Variants in KIAA1549L observed in about 807,000 individuals in gnomAD.
The protein encoded by KIAA1549L is UPF0606 protein KIAA1549L.
KIAA1549L carries 88 observed loss-of-function variants against 160.7 expected under a neutral mutation model. The observed-to-expected ratio is 0.55, with a 90% CI of 0.46 to 0.65. KIAA1549L has a LOEUF of 0.65. Ranked by LOEUF, KIAA1549L falls within the 30% of genes least tolerant of loss-of-function variation. The pLI, the probability that KIAA1549L is intolerant of heterozygous loss-of-function variation, is 0.00. For missense variants in KIAA1549L, 2,258 were observed against 2,437.5 expected (o/e 0.93, Z 1.55); for synonymous variants, 950 against 976.7 (o/e 0.97, Z 0.51).
chr11:33,449,443 AG>A (rs767475754), intron 1 of KIAA1549L, among the ~76,000 whole-genome samples: 2 of 152,150 alleles, frequency 1.3e-5, no homozygotes, highest in Non-Finnish European at 2.9e-5. Flanking sequence ...GAGACTATTG[AG>A]GTCATCTGAG....
intron 1 of KIAA1549L, among the ~76,000 whole-genome samples, chr11:33,508,080 C>T (rs1853133543): frequency 6.6e-6 from 1 of 152,194 alleles, no homozygotes; most frequent in South Asian, 2.1e-4. Flanking sequence ...AGCAGCAAAA[C>T]AGGTCTGCTG....
Position 33,618,264 on chromosome 11 carries a change from GGTTGCAAT to G in KIAA1549L, c.5280-260_5280-253del, listed in dbSNP as rs534765891. 6.6e-5 allele frequency among the ~76,000 whole-genome samples: 10 copies of G among 152,284 alleles called. 1 individual carries two copies. Among genetic ancestry groups the G allele is most frequent in the Admixed American group, 5.9e-4 (9 of 15,302 alleles). On this transcript the variant is annotated intron_variant, in intron 15 of 20. Coordinates refer to ENST00000658780, the MANE Select transcript of KIAA1549L (RefSeq NM_012194.3). Reference sequence around the variant, plus strand: ...TTGCCATCAGCAGAATTTTAAATGAGGTTGCAATGTTGCAATTGACTGTAGTTACCTAG... The same window carrying G: ...TTGCCATCAGCAGAATTTTAAATGAGGTTGCAATTGACTGTAGTTACCTAG...
intron 18 of KIAA1549L, among the ~76,000 whole-genome samples, chr11:33,658,284 A>T (rs1487842883): frequency 1.3e-5 from 2 of 152,030 alleles, no homozygotes; most frequent in Non-Finnish European, 2.9e-5. Context: ...GGAATAGGGA[A>T]TGTGGCTCCC....
At chr11:33,396,517 T>A (rs1246475685) in intron 1 of KIAA1549L, among the ~76,000 whole-genome samples, 1 of 152,192 alleles carries the variant, frequency 6.6e-6, no homozygotes, top group Non-Finnish European at 1.5e-5. Context: ...ATGGAGAAAG[T>A]CTGACTTGAC....
At chr11:33,489,023 CTG>C (rs1352892704) in intron 1 of KIAA1549L, among the ~76,000 whole-genome samples, 1 of 152,210 alleles carries the variant, frequency 6.6e-6, no homozygotes, top group Non-Finnish European at 1.5e-5. Flanking sequence ...GTGAGGTAAA[CTG>C]TGAAAAATCT....
chr11:33,491,514 A>G (rs985905211), intron 1 of KIAA1549L, among the ~76,000 whole-genome samples: 1 of 152,232 alleles, frequency 6.6e-6, no homozygotes, highest in Admixed American at 6.5e-5. Context: ...CAATCAGCCA[A>G]GAGTGTCTAG....
chr11:33,466,755 T>A (rs2133014170), intron 1 of KIAA1549L, among the ~76,000 whole-genome samples: 1 of 152,268 alleles, frequency 6.6e-6, no homozygotes, highest in Admixed American at 6.5e-5. Context: ...AAAGAAAATG[T>A]GGCACATATA....
intron 15 of KIAA1549L, among the ~76,000 whole-genome samples, chr11:33,611,056 A>G (rs1418225967): frequency 6.6e-6 from 1 of 152,238 alleles, no homozygotes; most frequent in Non-Finnish European, 1.5e-5. Context: ...AAAAACATTC[A>G]ACCATGGCTG....
chr11:33,606,278 A>G (rs1002085277), intron 13 of KIAA1549L, among the ~76,000 whole-genome samples: 1 of 152,248 alleles, frequency 6.6e-6, no homozygotes, highest in Admixed American at 6.5e-5. Context: ...AAGGACAGTT[A>G]CAAGGTTTAG....
At chr11:33,563,909 C>A (rs1326765364) in intron 8 of KIAA1549L, among the ~76,000 whole-genome samples, 1 of 152,188 alleles carries the variant, frequency 6.6e-6, no homozygotes, top group Non-Finnish European at 1.5e-5. Context: ...CTTGTGTCAT[C>A]TTTTCTTCAT....
At chr11:33,664,505 G>A (rs531926658) in intron 20 of KIAA1549L, among the ~76,000 whole-genome samples, 38 of 152,308 alleles carry the variant, frequency 2.5e-4, no homozygotes, top group African/African-American at 8.4e-4. Context: ...TGTCCCACTC[G>A]ATTCATATGT....
At chr11:33,606,991 C>T (rs752543189) in intron 14 of KIAA1549L, among the ~76,000 whole-genome samples, 169 bp downstream of exon 14, 3 of 152,134 alleles carry the variant, frequency 2.0e-5, no homozygotes, top group Non-Finnish European at 4.4e-5. Flanking sequence ...ACACAAGTCA[C>T]CCAAAAAGAA....
rs919305048 is a variant in KIAA1549L, at chr11:33,543,880, A to G, written c.2317A>G (p.Ser773Gly). ...GCATTCAGTGACTGCAGAAGGGTTT[A>G]GTATTCAGGATCTAGTCCTCGGTAC... ...AGHSVTAEGF[S>G]IQDLVLGTSI... The change falls in exon 2 of 21, where the codon AGT (serine) becomes GGT (glycine). Residue 773 changes from serine to glycine, a missense_variant. Physicochemically the swap from Ser to Gly is moderately conservative, Grantham distance 56 (BLOSUM62 0). This residue lies in a region of KIAA1549L where 287 missense variants were observed against 292.3 expected (regional missense o/e 0.98). Transcript: ENST00000658780. 3 of 1,613,936 alleles carry G rather than the reference A, an allele frequency of 1.9e-6. No homozygotes were observed. The highest frequency in any genetic ancestry group is 1.7e-6 in the Non-Finnish European group (2 of 1,179,912).
At position 33,552,258 on chromosome 11, in the gene KIAA1549L, T is replaced by C. The variant is rs1414678546; in HGVS notation, c.3855+17T>C. 6.3e-7 allele frequency: 1 copy of C among 1,591,658 alleles called. No individual in the cohort carries two copies. The highest frequency in any genetic ancestry group is 8.6e-7 in the Non-Finnish European group (1 of 1,168,760). ...ACAATTCAGGTAGGGAGGAAGGTGC[T>C]TCAGGCTGTGTAGTTGACAGACAAC... On this transcript the variant is annotated intron_variant, in intron 6 of 20. Coordinates refer to ENST00000658780, the MANE Select transcript of KIAA1549L (RefSeq NM_012194.3).
rs775672416 is a variant in KIAA1549L, at chr11:33,559,800, G to A, written c.3907G>A (p.Gly1303Ser). 13 of 1,613,966 alleles carry A rather than the reference G, an allele frequency of 8.1e-6. No homozygotes were observed. The South Asian group carries it at 9.9e-5, about 12-fold the overall frequency. The change falls in exon 7 of 21, where the codon GGC becomes AGC. Residue 1303 changes from glycine (G) to serine (S), a missense_variant. Physicochemically the swap from Gly to Ser is moderately conservative, Grantham distance 56. Transcript: ENST00000658780. ...GGCAGTCACCTTGGTGTACGTCGTG[G>A]GCAATCAGAGCACATTCCTCAACGG... The part of the protein sequence containing the change: ...SQAVTLVYVV[G>S]NQSTFLNGTV...
chr11:33,405,259 G>A (rs1427942352), intron 1 of KIAA1549L, among the ~76,000 whole-genome samples: 11 of 152,050 alleles, frequency 7.2e-5, no homozygotes, highest in African/African-American at 2.7e-4. Context: ...AAGCATTGGT[G>A]TAAACAGAAT....
chr11:33,436,059 A>G (rs1851374531), intron 1 of KIAA1549L, among the ~76,000 whole-genome samples: 1 of 151,338 alleles, frequency 6.6e-6, no homozygotes, highest in African/African-American at 2.4e-5. Flanking sequence ...AAGTACTATA[A>G]GCGATCTGGA....
At chr11:33,609,613 G>A (rs1850593560) in intron 14 of KIAA1549L, 136 bp from the exon 15 acceptor site, 3 of 657,988 alleles carry the variant, frequency 4.6e-6, no homozygotes, top group South Asian at 3.6e-5. Context: ...TGGGATGCAG[G>A]TGGGCCTGGC....
At chr11:33,435,842 ATGTGTGTG>A (rs71034688) in intron 1 of KIAA1549L, among the ~76,000 whole-genome samples, 1,355 of 67,530 alleles carry the variant, frequency 0.02, 123 homozygotes, top group Middle Eastern at 0.027. Flanking sequence ...GTATATGTAT[ATGTGTGTG>A]TGTGTGTGTG....
Sources: allele counts gnomAD v4.1 joint callset (sites outside exome capture counted in the v4.1 genomes callset), GRCh38; gene constraint gnomAD v4.1.1; regional missense constraint gnomAD v4.1.1; transcripts MANE v1.5; gene names NCBI Gene and HGNC (gene_info 2026-07-23, HGNC 2026-07-21).